Variants in FRY observed in about 807,000 individuals in gnomAD.
The protein encoded by FRY is FRY microtubule binding protein.
FRY carries 128 observed loss-of-function variants against 348.4 expected under a neutral mutation model. That is an observed-to-expected ratio of 0.37 (90% CI 0.32 to 0.43). The LOEUF is 0.43. Ranked by LOEUF, FRY falls within the 20% of genes least tolerant of loss-of-function variation. The pLI, the probability that FRY is intolerant of heterozygous loss-of-function variation, is 1.00. For missense variants in FRY, 2,736 were observed against 3,695.2 expected (o/e 0.74, Z 6.73); for synonymous variants, 1,370 against 1,374.7 (o/e 1.00, Z 0.08).
intron 1 of FRY, among the ~76,000 whole-genome samples, chr13:32,077,874 T>A (rs1007090527): frequency 6.6e-6 from 1 of 152,222 alleles, no homozygotes. Context: ...TAAATACTTA[T>A]GTTTAACTAT....
Position 32,239,759 on chromosome 13 carries a change from A to T in FRY, c.6565A>T (p.Met2189Leu). 2 of 1,613,926 alleles carry T rather than the reference A, an allele frequency of 1.2e-6. No homozygotes were observed. The highest frequency in any genetic ancestry group is 1.7e-6 in the Non-Finnish European group (2 of 1,179,810). ...NPKLSNLAHV[M>L]TLYKTHSYTR... is the part of the protein sequence containing the mutation. ...CAAACTTTCAAATCTTGCACATGTC[A>T]TGACTCTTTATAAAACGCACAGCTA... is the stretch of plus-strand genomic sequence containing the variant. The change falls in exon 46 of 61, where the codon ATG becomes TTG. Residue 2189 changes from methionine to leucine, a missense_variant. By Grantham distance (15) the Met-to-Leu change is conservative (BLOSUM62 2). This residue lies in a region of FRY where 789 missense variants were observed against 996.2 expected (regional missense o/e 0.79). Transcript: ENST00000542859. The surrounding 1 kb of genome is among the most constrained non-coding windows in gnomAD (Gnocchi z 4.3).
Position 32,230,377 on chromosome 13 carries a change from T to C in FRY, c.5406-802T>C, listed in dbSNP as rs571469420. 4.6e-5 allele frequency among the ~76,000 whole-genome samples: 7 copies of C among 152,222 alleles called. 1 individual carries two copies. Among genetic ancestry groups the C allele is most frequent in the Middle Eastern group, 3.2e-3 (1 of 316 alleles). The stretch of plus-strand genomic sequence containing the variant: ...AGGTGATAGCCTCCAGCTCCATCCA[T>C]GTCACTGCAAAGGATATAATCTTGT... On this transcript the variant is annotated intron_variant, in intron 40 of 60. Coordinates refer to ENST00000542859, the MANE Select transcript of FRY (RefSeq NM_023037.3).
intron 2 of FRY, among the ~76,000 whole-genome samples, chr13:32,087,873 G>A (rs1875986038): frequency 6.6e-6 from 1 of 152,130 alleles, no homozygotes; most frequent in South Asian, 2.1e-4. Flanking sequence ...ATTAAGTTTG[G>A]ATCTTTATAT....
chr13:32,091,652 A>G (rs1230342685), intron 2 of FRY, among the ~76,000 whole-genome samples: 1 of 152,210 alleles, frequency 6.6e-6, no homozygotes, highest in Non-Finnish European at 1.5e-5. Flanking sequence ...TGGGGTGAGG[A>G]AGCTCACCAC....
chr13:32,173,398 A>G lies in FRY; in HGVS notation c.2183A>G (p.Gln728Arg). 1.9e-6 allele frequency: 3 copies of G among 1,612,318 alleles called. No individual in the cohort carries two copies. The highest frequency in any genetic ancestry group is 2.5e-6 in the Non-Finnish European group (3 of 1,179,796). ...LIANGSSHRI[Q>R]SERGPHCSVL... ...GCAAATGGCTCCAGTCACAGAATTCAGTCGGAACGAGGTCCCCACTGCAGT... is the reference window on the plus strand; with the variant it reads ...GCAAATGGCTCCAGTCACAGAATTCGGTCGGAACGAGGTCCCCACTGCAGT... The change falls in exon 19 of 61, where the codon CAG (glutamine) becomes CGG (arginine). Residue 728 changes from glutamine (Q) to arginine (R), a missense_variant. Gln to Arg is a conservative substitution (Grantham distance 43). Transcript: ENST00000542859.
chr13:32,268,235 T>G (rs1348646788), intron 55 of FRY, among the ~76,000 whole-genome samples: 2 of 152,154 alleles, frequency 1.3e-5, no homozygotes, highest in East Asian at 3.9e-4. Context: ...TCCTCCAAAT[T>G]TCATCAAATA....
At chr13:32,262,696 A>T (rs1887722260) in intron 53 of FRY, among the ~76,000 whole-genome samples, 1 of 152,164 alleles carries the variant, frequency 6.6e-6, no homozygotes, top group Non-Finnish European at 1.5e-5. Context: ...TGGCTGAAAG[A>T]CTTGATTTGA....
At chr13:32,109,777 G>A (rs1877835445) in intron 3 of FRY, among the ~76,000 whole-genome samples, 1 of 152,302 alleles carries the variant, frequency 6.6e-6, no homozygotes, top group East Asian at 1.9e-4. Context: ...TTCAGGGAAG[G>A]TGAAATATCT....
At chr13:32,126,910 A>G (rs1879054888) in intron 7 of FRY, among the ~76,000 whole-genome samples, 1 of 152,204 alleles carries the variant, frequency 6.6e-6, no homozygotes, top group Non-Finnish European at 1.5e-5. Context: ...TCTCATTCCC[A>G]ATGATAATGC....
At chr13:32,170,602 T>A (rs1003380948) in intron 17 of FRY, among the ~76,000 whole-genome samples, 1 of 152,234 alleles carries the variant, frequency 6.6e-6, no homozygotes, top group Non-Finnish European at 1.5e-5. Flanking sequence ...AGTGGCACGA[T>A]CTTGGCTCAC....
In FRY at chr13:32,186,424, G is replaced by A. The variant is rs1036843767; in HGVS notation, c.3480+4G>A. The A allele has an allele frequency of 1.7e-5, 27 of 1,579,698 alleles. No homozygotes were observed. The highest frequency in any genetic ancestry group is 2.2e-5 in the Non-Finnish European group (25 of 1,148,828). On this transcript the variant is annotated splice_donor_region_variant and intron_variant, in intron 27 of 60. Transcript: ENST00000542859. The stretch of plus-strand genomic sequence containing the variant: ...ATATCAGTATTGTGCATTAAAAGTA[G>A]GTGATATTGTACTCACGAATGACTG...
In FRY at chr13:32,184,583, T is replaced by C. The variant is rs781402592; in HGVS notation, c.3055-17T>C. 1 of 1,524,082 alleles carries C rather than the reference T, an allele frequency of 6.6e-7. No homozygotes were observed. 94.4% of individuals were successfully genotyped at this position (1,524,082 alleles called of 1,614,324 possible). ...TTTTGCCTGTGTCTGTAAGTGATAC[T>C]ACCTCTTTCTACACAGAACAAGAAA... On this transcript the variant is annotated splice_polypyrimidine_tract_variant and intron_variant, in intron 24 of 60. Coordinates refer to ENST00000542859, the MANE Select transcript of FRY (RefSeq NM_023037.3).
chr13:32,044,924 G>T (rs1272751814), intron 1 of FRY, among the ~76,000 whole-genome samples: 1 of 152,116 alleles, frequency 6.6e-6, no homozygotes, highest in East Asian at 1.9e-4. Context: ...AAGTGAAAAA[G>T]ATCTATATAA....
At position 32,113,464 on chromosome 13, in the gene FRY, G is replaced by T. The variant is rs75672281; in HGVS notation, c.325-3870G>T. ...CTTTTGGCCTATTTATACATAAACT[G>T]CCAAAGTAAACATTAAAACATTTAC... On this transcript the variant is annotated intron_variant, in intron 3 of 60. Coordinates refer to ENST00000542859, the MANE Select transcript of FRY (RefSeq NM_023037.3). Among the ~76,000 whole-genome samples, 1,513 of 152,240 alleles carry T rather than the reference G, an allele frequency of 9.9e-3. 33 individuals carry two copies. The highest frequency in any genetic ancestry group is 0.034 in the African/African-American group (1,405 of 41,526).
intron 7 of FRY, among the ~76,000 whole-genome samples, chr13:32,127,511 C>T (rs1311716111): frequency 1.3e-5 from 2 of 152,134 alleles, no homozygotes; most frequent in Non-Finnish European, 2.9e-5. Flanking sequence ...AGTGCGGTGG[C>T]TCACACCTGT....
intron 55 of FRY, among the ~76,000 whole-genome samples, chr13:32,272,928 CAG>C (rs1888279236): frequency 6.8e-6 from 1 of 147,604 alleles, no homozygotes; most frequent in African/African-American, 2.5e-5. Flanking sequence ...TTTTTTTTAG[CAG>C]AGACGGGGTT....
chr13:32,078,489 C>G lies in FRY; in HGVS notation c.71-345C>G, dbSNP rs1034787879. Among the ~76,000 whole-genome samples the G allele has an allele frequency of 2.6e-5, 4 of 152,204 alleles. No individual in the cohort carries two copies. In the East Asian group the frequency reaches 7.7e-4, roughly 29 times the overall value. The stretch of plus-strand genomic sequence containing the variant: ...CTTTTTTTCCCATATATGTTTTCTA[C>G]CCATTTTCTAAATGGGACTGCTGTT... On this transcript the variant is annotated intron_variant, in intron 1 of 60. Coordinates refer to ENST00000542859, the MANE Select transcript of FRY (RefSeq NM_023037.3).
At chr13:32,095,213 G>T (rs1876607309) in intron 2 of FRY, among the ~76,000 whole-genome samples, 1 of 151,842 alleles carries the variant, frequency 6.6e-6, no homozygotes, top group African/African-American at 2.4e-5. Flanking sequence ...TTCCCATAGG[G>T]TTGTTTGAAC....
At chr13:32,240,162 A>G (rs918322392) in intron 46 of FRY, among the ~76,000 whole-genome samples, 3 of 152,252 alleles carry the variant, frequency 2.0e-5, no homozygotes, top group Non-Finnish European at 4.4e-5. Flanking sequence ...ATGCTAATGG[A>G]ATCATTTTAA....
Sources: gnomAD v4.1 joint callset for allele counts (sites outside exome capture counted in the v4.1 genomes callset) on GRCh38, gnomAD v4.1.1 for gene constraint, gnomAD v4.1.1 regional missense constraint, Gnocchi (gnomAD v3.1) non-coding constraint, MANE v1.5 for transcripts, NCBI Gene and HGNC (gene_info 2026-07-23, HGNC 2026-07-21) for gene names.